ARHGEF16: variants seen among roughly 807,000 people sequenced by gnomAD.
The protein encoded by ARHGEF16 is Rho guanine nucleotide exchange factor 16.
In ARHGEF16, 59 loss-of-function variants were observed where a neutral mutation model predicts 74.1. The ratio of observed to expected loss-of-function variants is 0.80; its 90% confidence interval spans 0.65 to 0.99. The LOEUF (loss-of-function observed/expected upper bound fraction) is 0.99, where lower values mean the gene tolerates loss of function less well. Among genes scored for constraint, ARHGEF16 ranks in the 50% least tolerant of loss-of-function variants. ARHGEF16 has a pLI of 0.00. For synonymous variants in ARHGEF16, 415 were observed against 412.6 expected (o/e 1.01, Z -0.07); for missense variants, 948 against 986.6 (o/e 0.96, Z 0.52).
intron 8 of ARHGEF16, 79 bp from the exon 9 acceptor site, chr1:3,474,629 C>T (rs924816785): frequency 3.0e-5 from 42 of 1,383,652 alleles, no homozygotes; most frequent in Middle Eastern, 1.8e-4. Context: ...CAGCCCCACA[C>T]GGGGTCTGGC....
chr1:3,466,065 C>T (rs888442832), intron 2 of ARHGEF16, 83 bp from the exon 3 acceptor site: 2 of 1,475,486 alleles, frequency 1.4e-6, no homozygotes, highest in African/African-American at 2.8e-5. Context: ...GCCGAGAGGT[C>T]TCTGGGGTCC....
In ARHGEF16 at chr1:3,454,771, G is replaced by A. The variant is rs1023189158; in HGVS notation, c.-60G>A. 2.0e-5 allele frequency: 3 copies of A among 152,392 alleles called. No homozygotes were observed. Among genetic ancestry groups the A allele is most frequent in the East Asian group, 3.9e-4 (2 of 5,188 alleles). The allele number at this position is 152,392 out of a possible 1,614,324, so 9.4% of individuals were successfully genotyped here. A position where few individuals can be genotyped will look rare whatever the true frequency, so the allele number is the denominator to read the frequency against. On this transcript the variant is annotated 5_prime_UTR_variant, in exon 1 of 15. Coordinates refer to ENST00000378378, the MANE Select transcript of ARHGEF16 (RefSeq NM_014448.4). The stretch of plus-strand genomic sequence containing the variant: ...AGGACCCGGCGCTGGAAGCTGCACC[G>A]CCAGCGCGCCGCCCCTCCGTCCCTC...
At chr1:3,474,142 G>A (rs894703384) in intron 8 of ARHGEF16, 1 of 190,156 alleles carries the variant, frequency 5.3e-6, no homozygotes, top group African/African-American at 2.3e-5. Context: ...ACCGATGCAT[G>A]CACATGTGCA....
intron 3 of ARHGEF16, 40 bp from the exon 4 acceptor site, chr1:3,467,128 A>G (rs1639568316): frequency 6.6e-7 from 1 of 1,525,924 alleles, no homozygotes; most frequent in South Asian, 1.2e-5. Flanking sequence ...AGCCTTTTGC[A>G]ATCCCCCAGG....
At chr1:3,469,646 C>T in intron 6 of ARHGEF16, 53 bp downstream of exon 6, 6 of 1,600,938 alleles carry the variant, frequency 3.7e-6, no homozygotes, top group Middle Eastern at 1.7e-4. Flanking sequence ...GAAGGTGCCT[C>T]CCCCCGTGGG....
intron 8 of ARHGEF16, chr1:3,474,100 ACATG>A (rs1639816690): frequency 5.3e-6 from 1 of 189,948 alleles, no homozygotes; most frequent in Non-Finnish European, 1.1e-5. Flanking sequence ...GCCAGTACAC[ACATG>A]CATGCACACT....
At chr1:3,474,435 C>A (rs1356395079) in intron 8 of ARHGEF16, 3 of 442,024 alleles carry the variant, frequency 6.8e-6, no homozygotes, top group Non-Finnish European at 1.2e-5. Flanking sequence ...ACTGACGATT[C>A]CCCAAGTTGG....
chr1:3,468,144 T>C (rs1465518990), intron 4 of ARHGEF16, among the ~76,000 whole-genome samples: 3 of 152,176 alleles, frequency 2.0e-5, no homozygotes, highest in Non-Finnish European at 2.9e-5. Flanking sequence ...GTGGTCTCCC[T>C]CTGTCGGGGA....
At chr1:3,457,900 G>A (rs998109103) in intron 1 of ARHGEF16, among the ~76,000 whole-genome samples, 3 of 152,178 alleles carry the variant, frequency 2.0e-5, no homozygotes, top group Non-Finnish European at 2.9e-5. Context: ...GGGCCCCAGG[G>A]CTCAGCCATG....
chr1:3,481,090 T>C lies in ARHGEF16; in HGVS notation c.*503T>C, dbSNP rs1640047964. The C allele has an allele frequency of 6.5e-6, 1 of 154,676 alleles. No homozygotes were observed. 9.6% of individuals were successfully genotyped at this position (154,676 alleles called of 1,614,324 possible). On this transcript the variant is annotated 3_prime_UTR_variant, in exon 15 of 15. Coordinates refer to ENST00000378378, the MANE Select transcript of ARHGEF16 (RefSeq NM_014448.4). The stretch of plus-strand genomic sequence containing the variant: ...AGATTTCGGTTTTGAGGTTTCTAAA[T>C]ACATTAAAGTTATTTCTTAAGAACC...
rs1230277481 is a variant in ARHGEF16, at chr1:3,476,581, C to T, written c.1473+519C>T. On this transcript the variant is annotated intron_variant, in intron 10 of 14. Coordinates refer to ENST00000378378, the MANE Select transcript of ARHGEF16 (RefSeq NM_014448.4). ...GGGCAGCCCTAGTCCCTGCCACAAACGGGCAGGGCTCATACCTCTCCCTCC... is the reference window on the plus strand; with the variant it reads ...GGGCAGCCCTAGTCCCTGCCACAAATGGGCAGGGCTCATACCTCTCCCTCC... Among the ~76,000 whole-genome samples the T allele has an allele frequency of 5.9e-5, 9 of 152,100 alleles. No homozygotes were observed. In the East Asian group the frequency reaches 9.7e-4, roughly 16 times the overall value.
In ARHGEF16 at chr1:3,469,155, G is replaced by T. The variant is rs572893449; in HGVS notation, c.861+219G>T. 1.3e-4 allele frequency among the ~76,000 whole-genome samples: 20 copies of T among 152,248 alleles called. 1 individual carries two copies. In the South Asian group the frequency reaches 4.1e-3, roughly 32 times the overall value. ...CCTTCACGTCACCGGGTGAATCCTC[G>T]GAGTCCAGGGGCTGCCATCACCCCC... is the stretch of plus-strand genomic sequence containing the variant. On this transcript the variant is annotated intron_variant, in intron 5 of 14. Transcript: ENST00000378378.
chr1:3,477,330 C>CCCCCACACTACCCACCCCCATCAG (rs1639910625), intron 10 of ARHGEF16, among the ~76,000 whole-genome samples: 1 of 102,386 alleles, frequency 9.8e-6, no homozygotes, highest in Non-Finnish European at 2.1e-5. Flanking sequence ...CACCCCATCA[C>CCCCCACACTACCCACCCCCATCAG]CCCCACACTG....
At position 3,473,989 on chromosome 1, in the gene ARHGEF16, G is replaced by A. The variant is rs114678111; in HGVS notation, c.1305+467G>A. 1,337 of 247,242 alleles carry A rather than the reference G, an allele frequency of 5.4e-3. 18 individuals carry two copies. The highest frequency in any genetic ancestry group is 0.028 in the African/African-American group (1,270 of 44,758). 15.3% of individuals were successfully genotyped at this position (247,242 alleles called of 1,614,324 possible). A position where few individuals can be genotyped will look rare whatever the true frequency, so the allele number is the denominator to read the frequency against. ...AGCCCACAGGGCAGAGGGTATATGA[G>A]GGTGAAAGGTGTACACACACACGCA... On this transcript the variant is annotated intron_variant, in intron 8 of 14. Transcript: ENST00000378378.
In ARHGEF16 at chr1:3,475,992, G is replaced by T. The variant is rs1474882807; in HGVS notation, c.1403G>T (p.Gly468Val). ...CAGCTGGTGAGGCAGTGCAACGAGG[G>T]GGCCCACAGGATGGAGCGCATGGAG... ...ISKLVRQCNE[G>V]AHRMERMEQM... Residue 468 changes from glycine (G) to valine (V), a missense_variant, in exon 10 of 15, where the codon GGG becomes GTG. By Grantham distance (109) the Gly-to-Val change is moderately radical (BLOSUM62 -3). Coordinates refer to ENST00000378378, the MANE Select transcript of ARHGEF16 (RefSeq NM_014448.4). The T allele has an allele frequency of 1.3e-6, 2 of 1,555,700 alleles. No homozygotes were observed. Among genetic ancestry groups the T allele is most frequent in the Admixed American group, 3.9e-5 (2 of 51,742 alleles).
intron 1 of ARHGEF16, among the ~76,000 whole-genome samples, chr1:3,460,490 ATGT>A (rs1221212954): frequency 6.6e-6 from 1 of 152,088 alleles, no homozygotes; most frequent in Non-Finnish European, 1.5e-5. Flanking sequence ...GGGCACAGTG[ATGT>A]TGTGGGCATG....
At chr1:3,467,411 C>G (rs986566022) in intron 4 of ARHGEF16, 74 bp downstream of exon 4, 1 of 1,449,774 alleles carries the variant, frequency 6.9e-7, no homozygotes, top group African/African-American at 1.4e-5. Context: ...GTTCCTTCCC[C>G]AAGCCCAGGC....
chr1:3,479,387 G>A, intron 12 of ARHGEF16, 130 bp from the exon 13 acceptor site: 1 of 995,596 alleles, frequency 1.0e-6, no homozygotes, highest in Non-Finnish European at 1.5e-6. Flanking sequence ...AGTCTGCCCA[G>A]CCACTCCTGC....
chr1:3,465,934 A>G, intron 2 of ARHGEF16: 1 of 576,362 alleles, frequency 1.7e-6, no homozygotes, highest in Non-Finnish European at 3.1e-6. Flanking sequence ...TCCTCCTCCA[A>G]GCAGCCCTCA....
Sources: allele counts gnomAD v4.1 joint callset (sites outside exome capture counted in the v4.1 genomes callset), GRCh38; gene constraint gnomAD v4.1.1; transcripts MANE v1.5; gene names NCBI Gene and HGNC (gene_info 2026-07-23, HGNC 2026-07-21).